PRKN: variants seen among roughly 807,000 people sequenced by gnomAD.
The protein encoded by PRKN is E3 ubiquitin-protein ligase parkin.
In PRKN, 56 loss-of-function variants were observed where a neutral mutation model predicts 59.5. The observed-to-expected ratio is 0.94, with a 90% confidence interval of 0.76 to 1.18. The LOEUF is 1.18. Among genes scored for constraint, PRKN ranks in the 50% most tolerant of loss-of-function variants. PRKN has a pLI of 0.00. For synonymous variants in PRKN, 250 were observed against 222.1 expected (o/e 1.13, Z -1.12); for missense variants, 657 against 596.4 (o/e 1.10, Z -1.06).
intron 3 of PRKN, among the ~76,000 whole-genome samples, chr6:162,229,595 C>T (rs1220835300): frequency 1.3e-5 from 2 of 152,162 alleles, no homozygotes; most frequent in East Asian, 3.9e-4. Flanking sequence ...TCTGCCCCTG[C>T]CCCTCTCCCA....
chr6:161,349,146 C>G lies in PRKN; in HGVS notation c.*953G>C, dbSNP rs1231009025. On this transcript the variant is annotated 3_prime_UTR_variant, in exon 12 of 12. Coordinates refer to ENST00000366898, the MANE Select transcript of PRKN (RefSeq NM_004562.3). The surrounding 1 kb of genome is among the most constrained non-coding windows in gnomAD (Gnocchi z 5.5). ...AAAGATTCTGATTTAATAATGTTCA[C>G]TTTTGTTAAGATTGAATATCATTTT... is the stretch of plus-strand genomic sequence containing the variant. The G allele has an allele frequency of 4.5e-6, 1 of 221,524 alleles. No individual in the cohort carries two copies. Among genetic ancestry groups the G allele is most frequent in the Non-Finnish European group, 9.0e-6 (1 of 110,862 alleles). 13.7% of individuals were successfully genotyped at this position (221,524 alleles called of 1,614,324 possible).
chr6:162,721,115 T>C (rs1778925730), intron 1 of PRKN, among the ~76,000 whole-genome samples: 2 of 152,248 alleles, frequency 1.3e-5, no homozygotes, highest in Non-Finnish European at 2.9e-5. Context: ...CATCTCCTAC[T>C]GCACAATTAC....
At chr6:162,599,016 A>T (rs1781596094) in intron 1 of PRKN, among the ~76,000 whole-genome samples, 1 of 152,142 alleles carries the variant, frequency 6.6e-6, no homozygotes, top group Admixed American at 6.5e-5. Flanking sequence ...ATACTGAAAG[A>T]GCTTTGCAAG....
intron 5 of PRKN, among the ~76,000 whole-genome samples, chr6:162,025,711 C>T (rs574350810): frequency 1.3e-5 from 2 of 151,096 alleles, no homozygotes; most frequent in African/African-American, 4.9e-5. Context: ...GCCTCAGCCT[C>T]CTGAGTAGCT....
rs150315158 is a variant in PRKN, at chr6:161,399,283, C to T, written c.1084-12406G>A. Among the ~76,000 whole-genome samples the T allele has an allele frequency of 1.4e-4, 21 of 152,290 alleles. No individual in the cohort carries two copies. The East Asian group carries it at 3.9e-3, about 28-fold the overall frequency. Reference sequence around the variant, plus strand: ...ATGGGTGACCTGATTTTTCTGGATGCCAGACAAGAACTTGGAATATGGAAA... The same window carrying T: ...ATGGGTGACCTGATTTTTCTGGATGTCAGACAAGAACTTGGAATATGGAAA... On this transcript the variant is annotated intron_variant, in intron 9 of 11. Transcript: ENST00000366898. The surrounding 1 kb of genome is among the most constrained non-coding windows in gnomAD (Gnocchi z 4.4).
At chr6:161,760,845 C>T (rs1231746506) in intron 7 of PRKN, among the ~76,000 whole-genome samples, 5 of 152,154 alleles carry the variant, frequency 3.3e-5, no homozygotes, top group Admixed American at 6.5e-5. Flanking sequence ...AATATTTGTG[C>T]GTTTTCAGCC....
chr6:162,602,856 A>C (rs1383930559), intron 1 of PRKN, among the ~76,000 whole-genome samples: 1 of 152,208 alleles, frequency 6.6e-6, no homozygotes, highest in Non-Finnish European at 1.5e-5. Flanking sequence ...GGGGGAACAA[A>C]GTTCGCAGCT....
At position 161,447,433 on chromosome 6, in the gene PRKN, A is replaced by C. The variant is rs1192142914; in HGVS notation, c.1084-60556T>G. On this transcript the variant is annotated intron_variant, in intron 9 of 11. Coordinates refer to ENST00000366898, the MANE Select transcript of PRKN (RefSeq NM_004562.3). This position sits in a 1 kb window ranked among gnomAD's most constrained non-coding sequence, Gnocchi z 4.1. ...TTCTGTGTATTGGTTTAAGTTTAGA[A>C]AAGGCCCCCTGTAAAGAAGACAAGT... Among the ~76,000 whole-genome samples, 1 of 152,192 alleles carries C rather than the reference A, an allele frequency of 6.6e-6. No individual in the cohort carries two copies. The highest frequency in any genetic ancestry group is 1.5e-5 in the Non-Finnish European group (1 of 68,032).
At chr6:162,198,377 T>C (rs1026184150) in intron 4 of PRKN, among the ~76,000 whole-genome samples, 2 of 151,556 alleles carry the variant, frequency 1.3e-5, no homozygotes, top group African/African-American at 4.8e-5. Context: ...AGCCTCTTGA[T>C]GCAGAGCAGT....
At chr6:162,507,491 A>C (rs899289366) in intron 1 of PRKN, among the ~76,000 whole-genome samples, 2 of 152,194 alleles carry the variant, frequency 1.3e-5, no homozygotes, top group Admixed American at 1.3e-4. Context: ...TCCTTTTGCC[A>C]GCACCATATT....
In PRKN at chr6:161,581,362, A is replaced by G. The variant is rs942291136; in HGVS notation, c.872-11946T>C. Reference sequence around the variant, plus strand: ...CTAAGTTCACAAAGTGTTTGTCTCCATTGTATTTGCTGTTTTTGTGTTTGG... The same window carrying G: ...CTAAGTTCACAAAGTGTTTGTCTCCGTTGTATTTGCTGTTTTTGTGTTTGG... On this transcript the variant is annotated intron_variant, in intron 7 of 11. Coordinates refer to ENST00000366898, the MANE Select transcript of PRKN (RefSeq NM_004562.3). This position sits in a 1 kb window ranked among gnomAD's most constrained non-coding sequence, Gnocchi z 4.5. Among the ~76,000 whole-genome samples, 1 of 152,212 alleles carries G rather than the reference A, an allele frequency of 6.6e-6. No individual in the cohort carries two copies. The highest frequency in any genetic ancestry group is 2.4e-5 in the African/African-American group (1 of 41,452).
intron 1 of PRKN, among the ~76,000 whole-genome samples, chr6:162,581,005 C>T (rs956774537): frequency 5.9e-5 from 9 of 152,138 alleles, no homozygotes; most frequent in Admixed American, 2.0e-4. Flanking sequence ...TCCTCGGGTA[C>T]CAGAATGGAG....
At position 161,547,076 on chromosome 6, in the gene PRKN, A is replaced by G. The variant is rs1779822227; in HGVS notation, c.1083+1778T>C. ...CAAAGCCACTCACGGGTGATTCCTGACTCTCAGAAACTGTGAGATGATACA... is the reference window on the plus strand; with the variant it reads ...CAAAGCCACTCACGGGTGATTCCTGGCTCTCAGAAACTGTGAGATGATACA... On this transcript the variant is annotated intron_variant, in intron 9 of 11. Transcript: ENST00000366898. This position sits in a 1 kb window ranked among gnomAD's most constrained non-coding sequence, Gnocchi z 4.0. 6.6e-6 allele frequency among the ~76,000 whole-genome samples: 1 copy of G among 151,882 alleles called. No individual in the cohort carries two copies. The highest frequency in any genetic ancestry group is 2.1e-4 in the South Asian group (1 of 4,796).
chr6:162,644,456 C>T (rs1057430955), intron 1 of PRKN, among the ~76,000 whole-genome samples: 3 of 152,172 alleles, frequency 2.0e-5, no homozygotes, highest in Non-Finnish European at 4.4e-5. Context: ...ATCATCACTG[C>T]CAGCCCGCAC....
intron 5 of PRKN, among the ~76,000 whole-genome samples, chr6:162,000,238 T>A (rs1782000462): frequency 6.6e-6 from 1 of 152,156 alleles, no homozygotes; most frequent in Non-Finnish European, 1.5e-5. Flanking sequence ...TCCAAAGTGA[T>A]GAGACCATAT....
intron 6 of PRKN, among the ~76,000 whole-genome samples, chr6:161,879,547 C>T (rs572117335): frequency 1.3e-5 from 2 of 151,938 alleles, no homozygotes; most frequent in Non-Finnish European, 2.9e-5. Flanking sequence ...GAGGTTTCAC[C>T]GTGTTAACCA....
chr6:161,616,243 G>GCAACA (rs1271568026), intron 7 of PRKN, among the ~76,000 whole-genome samples: 1 of 152,174 alleles, frequency 6.6e-6, no homozygotes, highest in Non-Finnish European at 1.5e-5. Context: ...ATTTGCGAAA[G>GCAACA]CAACACAACA....
Position 161,593,234 on chromosome 6 carries a change from T to C in PRKN, c.872-23818A>G, listed in dbSNP as rs1781789194. On this transcript the variant is annotated intron_variant, in intron 7 of 11. Transcript: ENST00000366898. The surrounding 1 kb of genome is among the most constrained non-coding windows in gnomAD (Gnocchi z 4.8). The stretch of plus-strand genomic sequence containing the variant: ...CATGTCAACTGCATCCCAGGAGCTG[T>C]TCCGAGTGCTTCGCATGGATCACCT... Among the ~76,000 whole-genome samples the C allele has an allele frequency of 6.6e-6, 1 of 152,220 alleles. No individual in the cohort carries two copies. The highest frequency in any genetic ancestry group is 2.4e-5 in the African/African-American group (1 of 41,460).
chr6:162,531,581 G>A (rs559833580), intron 1 of PRKN, among the ~76,000 whole-genome samples: 1 of 152,172 alleles, frequency 6.6e-6, no homozygotes, highest in South Asian at 2.1e-4. Flanking sequence ...CACAAGATCA[G>A]ATAAGCCAGT....
Sources: gnomAD v4.1 joint callset for allele counts (sites outside exome capture counted in the v4.1 genomes callset) on GRCh38, gnomAD v4.1.1 for gene constraint, Gnocchi (gnomAD v3.1) non-coding constraint, MANE v1.5 for transcripts, NCBI Gene and HGNC (gene_info 2026-07-23, HGNC 2026-07-21) for gene names.